Variants in PLCG2 observed in about 807,000 individuals in gnomAD.
PLCG2 encodes phospholipase C gamma 2.
PLCG2 carries 69 observed loss-of-function variants against 175.6 expected under a neutral mutation model. That is an observed-to-expected ratio of 0.39 (90% CI 0.32 to 0.48). The LOEUF (loss-of-function observed/expected upper bound fraction) is 0.48, where lower values mean the gene tolerates loss of function less well. Among genes scored for constraint, PLCG2 ranks in the 20% least tolerant of loss-of-function variants. PLCG2 has a pLI of 0.91. For synonymous variants in PLCG2, 827 were observed against 624.0 expected (o/e 1.33, Z -4.85); for missense variants, 1,798 against 1,650.9 (o/e 1.09, Z -1.54).
rs575474200 is a variant in PLCG2, at chr16:81,828,891, G to A, written c.194-25553G>A. Reference sequence around the variant, plus strand: ...CCGAGGTGGGTGGATCATGAGTTCAGGAGATAAGAGGCTGTATCTTACCAA... The same window carrying A: ...CCGAGGTGGGTGGATCATGAGTTCAAGAGATAAGAGGCTGTATCTTACCAA... On this transcript the variant is annotated intron_variant, in intron 2 of 32. Transcript: ENST00000564138. Among the ~76,000 whole-genome samples, 10 of 152,252 alleles carry A rather than the reference G, an allele frequency of 6.6e-5. No homozygotes were observed. The South Asian group carries it at 2.1e-3, about 32-fold the overall frequency.
chr16:81,892,926 C>T (rs941571980), intron 11 of PLCG2, among the ~76,000 whole-genome samples: 60 of 151,468 alleles, frequency 4.0e-4, no homozygotes, highest in Admixed American at 1.6e-3. Flanking sequence ...CAGCTCACAA[C>T]CTCCGCTTTC....
chr16:81,869,889 T>G (rs1376848533), intron 6 of PLCG2, among the ~76,000 whole-genome samples: 2 of 152,162 alleles, frequency 1.3e-5, no homozygotes, highest in African/African-American at 4.8e-5. Context: ...GGGCACCGAT[T>G]TTTGCTTACA....
intron 5 of PLCG2, among the ~76,000 whole-genome samples, chr16:81,859,534 G>C (rs1037243427): frequency 6.7e-6 from 1 of 149,184 alleles, no homozygotes; most frequent in Admixed American, 6.9e-5. Flanking sequence ...AGTAAACCAG[G>C]TGGTTCTTTT....
chr16:81,856,453 A>G (rs28668056), intron 3 of PLCG2, among the ~76,000 whole-genome samples: 46,776 of 151,986 alleles, frequency 0.31, 7,834 homozygotes, highest in South Asian at 0.38. Flanking sequence ...CCGCTTATTA[A>G]CAAGGGTAAT....
intron 1 of PLCG2, among the ~76,000 whole-genome samples, chr16:81,746,340 C>T (rs1426562760): frequency 6.6e-6 from 1 of 152,190 alleles, no homozygotes; most frequent in Non-Finnish European, 1.5e-5. Context: ...GGTGGAGAAC[C>T]CAACTCCCAG....
intron 5 of PLCG2, among the ~76,000 whole-genome samples, chr16:81,860,571 A>G (rs982051653): frequency 6.6e-6 from 1 of 152,174 alleles, no homozygotes; most frequent in Non-Finnish European, 1.5e-5. Flanking sequence ...CAACCGAGGC[A>G]ACCAAGTGTT....
At chr16:81,873,061 A>G (rs564176732) in intron 7 of PLCG2, among the ~76,000 whole-genome samples, 3 of 152,140 alleles carry the variant, frequency 2.0e-5, no homozygotes, top group Non-Finnish European at 4.4e-5. Context: ...TTGAATTGCA[A>G]TGTGTTCATT....
intron 8 of PLCG2, among the ~76,000 whole-genome samples, chr16:81,881,869 G>A (rs1423952587): frequency 6.6e-6 from 1 of 151,306 alleles, no homozygotes; most frequent in African/African-American, 2.4e-5. Context: ...CCAGTCTGGT[G>A]TTGAACTCAT....
chr16:81,787,392 A>ATTT (rs1911020189), intron 2 of PLCG2, among the ~76,000 whole-genome samples: 1 of 23,862 alleles, frequency 4.2e-5, no homozygotes, highest in Non-Finnish European at 7.7e-5. Context: ...TGGATAATTT[A>ATTT]ATTTTTTTTT....
intron 14 of PLCG2, among the ~76,000 whole-genome samples, chr16:81,905,192 G>A (rs1194622914): frequency 3.9e-5 from 6 of 152,178 alleles, no homozygotes; most frequent in Admixed American, 3.9e-4. Flanking sequence ...TGACCAGTAT[G>A]GGCAATTTTT....
At chr16:81,773,612 G>C (rs1910329723) in intron 2 of PLCG2, among the ~76,000 whole-genome samples, 1 of 152,182 alleles carries the variant, frequency 6.6e-6, no homozygotes, top group Non-Finnish European at 1.5e-5. Context: ...CAAATGCCTG[G>C]TTGCAGTCTG....
chr16:81,769,431 C>T lies in PLCG2; in HGVS notation c.-48+13465C>T, dbSNP rs974500955. On this transcript the variant is annotated intron_variant, in intron 2 of 5. Coordinates refer to the PLCG2 transcript ENST00000565054. The stretch of plus-strand genomic sequence containing the variant: ...GCCCCTACGTTCTGATTCAGTAAGG[C>T]CAATAACTCCCGGCGCATCTCAGAC... Among the ~76,000 whole-genome samples, 5 of 152,132 alleles carry T rather than the reference C, an allele frequency of 3.3e-5. No homozygotes were observed. The East Asian group carries it at 7.7e-4, about 23-fold the overall frequency.
chr16:81,914,200 C>T (rs1909745456), intron 19 of PLCG2, among the ~76,000 whole-genome samples: 1 of 152,218 alleles, frequency 6.6e-6, no homozygotes, highest in South Asian at 2.1e-4. Context: ...GGCAACTAAA[C>T]CCAACTGGCT....
chr16:81,844,494 G>C (rs1396671993), intron 2 of PLCG2, among the ~76,000 whole-genome samples: 1 of 152,006 alleles, frequency 6.6e-6, no homozygotes, highest in Non-Finnish European at 1.5e-5. Flanking sequence ...GCTAATTTTT[G>C]TATTTTTGGT....
chr16:81,778,089 A>T (rs1342254269), upstream of PLCG2, among the ~76,000 whole-genome samples: 1 of 150,350 alleles, frequency 6.7e-6, no homozygotes, highest in Non-Finnish European at 1.5e-5. Context: ...CACAAAAAAA[A>T]CGCTATAACA....
At chr16:81,884,217 G>C (rs1025499908) in intron 9 of PLCG2, among the ~76,000 whole-genome samples, 1 of 152,166 alleles carries the variant, frequency 6.6e-6, no homozygotes, top group Non-Finnish European at 1.5e-5. Flanking sequence ...CAGGCATTGT[G>C]GTGGGTGCCT....
chr16:81,880,789 T>A (rs997474736), intron 7 of PLCG2, 121 bp from the exon 8 acceptor site: 2 of 850,422 alleles, frequency 2.4e-6, no homozygotes, highest in Admixed American at 4.8e-5. Context: ...ACTAAAATGA[T>A]ATTTTTAATG....
rs905440403 is a variant in PLCG2, at chr16:81,779,384, C to T, written c.-88C>T. 3.3e-5 allele frequency: 5 copies of T among 151,194 alleles called. No individual in the cohort carries two copies. Among genetic ancestry groups the T allele is most frequent in the Non-Finnish European group, 7.4e-5 (5 of 67,748 alleles). 9.4% of individuals were successfully genotyped at this position (151,194 alleles called of 1,614,324 possible). A position where few individuals can be genotyped will look rare whatever the true frequency, so the allele number is the denominator to read the frequency against. ...CGCGCGCGGGACCCCGGAGCCCAAA[C>T]CCGGGGCAGGCGGGCAGCTGTGCCC... On this transcript the variant is annotated 5_prime_UTR_variant, in exon 1 of 33. Coordinates refer to ENST00000564138, the MANE Select transcript of PLCG2 (RefSeq NM_002661.5).
intron 13 of PLCG2, chr16:81,897,984 G>T (rs2143622188): frequency 7.3e-6 from 3 of 412,818 alleles, no homozygotes; most frequent in Non-Finnish European, 1.5e-5. Flanking sequence ...CTCCATCGCA[G>T]CATTCTCCCC....
Sources: allele counts gnomAD v4.1 joint callset (sites outside exome capture counted in the v4.1 genomes callset), GRCh38; gene constraint gnomAD v4.1.1; transcripts MANE v1.5; gene names NCBI Gene and HGNC (gene_info 2026-07-23, HGNC 2026-07-21).